The following PKHD1 variants were observed in gnomAD, a reference collection of about 807,000 sequenced individuals.
PKHD1 encodes fibrocystin.
A neutral mutation model predicts 412.0 loss-of-function variants in PKHD1; 291 were observed. That is an observed-to-expected ratio of 0.71 (90% CI 0.64 to 0.78). The LOEUF (loss-of-function observed/expected upper bound fraction) is 0.78. Among genes scored for constraint, PKHD1 ranks in the 30% least tolerant of loss-of-function variants. The pLI is 0.00. For missense variants in PKHD1, 4,825 were observed against 4,950.7 expected, an observed-to-expected ratio of 0.97 and a Z score of 0.76; for synonymous variants, 1,777 against 1,821.5, an observed-to-expected ratio of 0.98 and a Z score of 0.62.
At chr6:51,874,765 A>G (rs1776577576) in intron 46 of PKHD1, among the ~76,000 whole-genome samples, 1 of 131,858 alleles carries the variant, frequency 7.6e-6, no homozygotes, top group East Asian at 3.9e-4. Context: ...CGTCTGTACT[A>G]AAAACACAAA....
At chr6:51,982,552 G>A (rs1795579628) in intron 35 of PKHD1, among the ~76,000 whole-genome samples, 1 of 140,980 alleles carries the variant, frequency 7.1e-6, no homozygotes, top group Admixed American at 7.3e-5. Context: ...TGTCCACTCA[G>A]GGTTAAATGG....
chr6:51,632,029 C>T (rs764613288), intron 65 of PKHD1, among the ~76,000 whole-genome samples: 7 of 151,444 alleles, frequency 4.6e-5, no homozygotes, highest in African/African-American at 1.5e-4. Context: ...CAACCTCCAC[C>T]ACCATCTAGG....
chr6:52,059,266 T>TC (rs1808310113), intron 15 of PKHD1, among the ~76,000 whole-genome samples: 1 of 135,226 alleles, frequency 7.4e-6, no homozygotes, highest in Non-Finnish European at 1.6e-5. Context: ...TTTCTTTTTT[T>TC]TTTTTTTTTT....
In PKHD1 at chr6:51,867,977, A is replaced by G. The variant is rs761681284; in HGVS notation, c.7619T>C (p.Leu2540Pro). ...SLSGKNRSHI[L>P]ASMETLSASC... ...AGCTGAAAGGGTTTCCATAGAAGCA[A>G]GAATGTGACTTCTGTTTTTCCCAGA... Residue 2540 changes from leucine to proline, a missense_variant, in exon 48 of 67, where the codon CTT (leucine) becomes CCT (proline). By Grantham distance (98) the Leu-to-Pro change is moderately conservative. Coordinates refer to ENST00000371117, the MANE Select transcript of PKHD1 (RefSeq NM_138694.4). 2.7e-5 allele frequency: 44 copies of G among 1,613,522 alleles called. No individual in the cohort carries two copies. The highest frequency in any genetic ancestry group is 3.6e-5 in the Non-Finnish European group (43 of 1,179,610).
At chr6:51,847,260 ATTTTTT>A (rs981973021) in intron 50 of PKHD1, among the ~76,000 whole-genome samples, 1 of 100,010 alleles carries the variant, frequency 1.0e-5, no homozygotes, top group Non-Finnish European at 2.0e-5. Context: ...CATGCCCAGC[ATTTTTT>A]TTTTTTTTTT....
intron 35 of PKHD1, among the ~76,000 whole-genome samples, chr6:51,970,507 G>A (rs150274883): frequency 6.6e-6 from 1 of 152,032 alleles, no homozygotes; most frequent in Non-Finnish European, 1.5e-5. Flanking sequence ...TTGAGGTCTT[G>A]GTCATAAATA....
chr6:51,944,880 C>T (rs905278141), intron 36 of PKHD1, among the ~76,000 whole-genome samples: 13 of 152,244 alleles, frequency 8.5e-5, no homozygotes, highest in East Asian at 1.9e-4. Context: ...AGACCATCTG[C>T]ATCCAACATC....
At chr6:51,901,672 A>G (rs2127614169) in intron 43 of PKHD1, among the ~76,000 whole-genome samples, 1 of 138,016 alleles carries the variant, frequency 7.2e-6, no homozygotes, top group East Asian at 2.4e-4. Context: ...AAGTATAATA[A>G]TAAAAGAAAA....
At chr6:51,995,416 G>C (rs1797607526) in intron 35 of PKHD1, among the ~76,000 whole-genome samples, 1 of 152,198 alleles carries the variant, frequency 6.6e-6, no homozygotes, top group East Asian at 1.9e-4. Context: ...TTTGTTTCTA[G>C]TAACTGCCTT....
At chr6:51,891,748 CAT>C (rs1779159306) in intron 43 of PKHD1, among the ~76,000 whole-genome samples, 1 of 150,960 alleles carries the variant, frequency 6.6e-6, no homozygotes. Flanking sequence ...CACACACACA[CAT>C]TCAGCCAAGC....
intron 34 of PKHD1, among the ~76,000 whole-genome samples, chr6:52,014,023 G>A (rs982112593): frequency 1.3e-5 from 2 of 152,158 alleles, no homozygotes; most frequent in African/African-American, 4.8e-5. Context: ...ACACTGCCAT[G>A]GCTTGACTGT....
In PKHD1 at chr6:52,058,408, G is replaced by A; in HGVS notation, c.1427C>T (p.Thr476Ile). The A allele has an allele frequency of 6.2e-7, 1 of 1,614,076 alleles. No homozygotes were observed. The highest frequency in any genetic ancestry group is 2.2e-5 in the East Asian group (1 of 44,878). Reference sequence around the variant, plus strand: ...GGTGACCACATCAGGATTCAGCCAGGTGTTGTGAATCTGGACACCAATCCT... The same window carrying A: ...GGTGACCACATCAGGATTCAGCCAGATGTTGTGAATCTGGACACCAATCCT... ...GMRIGVQIHN[T>I]WLNPDVVTTY... Residue 476 changes from threonine to isoleucine, a missense_variant, in exon 16 of 67, where the codon ACC (threonine) becomes ATC (isoleucine). Physicochemically the swap from Thr to Ile is moderately conservative, Grantham distance 89 (BLOSUM62 -1). Coordinates refer to ENST00000371117, the MANE Select transcript of PKHD1 (RefSeq NM_138694.4).
intron 53 of PKHD1, among the ~76,000 whole-genome samples, chr6:51,776,163 C>T (rs1790993091): frequency 6.6e-6 from 1 of 151,964 alleles, no homozygotes; most frequent in Admixed American, 6.6e-5. Flanking sequence ...GCAGTGTAAA[C>T]TTTCCTGACC....
chr6:51,626,396 T>C (rs538430903), intron 66 of PKHD1, among the ~76,000 whole-genome samples: 1 of 152,316 alleles, frequency 6.6e-6, no homozygotes, highest in Admixed American at 6.5e-5. Flanking sequence ...GCATTCTTAG[T>C]AGGACAAGGG....
At chr6:51,739,829 ACTGAAG>A (rs1163613311) in intron 60 of PKHD1, among the ~76,000 whole-genome samples, 4 of 152,076 alleles carry the variant, frequency 2.6e-5, no homozygotes, top group Non-Finnish European at 5.9e-5. Flanking sequence ...TTCTGTTGAA[ACTGAAG>A]CTCTGATTTC....
chr6:51,699,179 A>G (rs1779131970), intron 60 of PKHD1, among the ~76,000 whole-genome samples: 1 of 152,216 alleles, frequency 6.6e-6, no homozygotes, highest in African/African-American at 2.4e-5. Context: ...TACTACCATA[A>G]TCAGGACAAA....
At chr6:51,953,067 A>G (rs981228737) in intron 36 of PKHD1, among the ~76,000 whole-genome samples, 2 of 152,150 alleles carry the variant, frequency 1.3e-5, no homozygotes, top group African/African-American at 4.8e-5. Flanking sequence ...GTCAGGCTCC[A>G]GTTTGCTGAC....
Position 51,970,768 on chromosome 6 carries a change from G to A in PKHD1, c.5752-10742C>T, listed in dbSNP as rs1793558315. On this transcript the variant is annotated intron_variant, in intron 35 of 66. Transcript: ENST00000371117. Reference sequence around the variant, plus strand: ...AAAGATTAGTTGGTTGTAGACATGTGACTTTATTTCTGGGTTGTCCATTAT... The same window carrying A: ...AAAGATTAGTTGGTTGTAGACATGTAACTTTATTTCTGGGTTGTCCATTAT... Among the ~76,000 whole-genome samples the A allele has an allele frequency of 2.0e-5, 3 of 152,292 alleles. No individual in the cohort carries two copies. In the South Asian group the frequency reaches 6.2e-4, roughly 32 times the overall value.
intron 50 of PKHD1, 134 bp from the exon 51 acceptor site, chr6:51,836,603 TGTTA>T (rs1420315072): frequency 7.8e-5 from 54 of 692,044 alleles, no homozygotes; most frequent in Admixed American, 1.1e-4. Flanking sequence ...ATGAAATCCT[TGTTA>T]GTTAATCTAA....
Sources: gnomAD v4.1 joint callset for allele counts (sites outside exome capture counted in the v4.1 genomes callset) on GRCh38, gnomAD v4.1.1 for gene constraint, MANE v1.5 for transcripts, NCBI Gene and HGNC (gene_info 2026-07-23, HGNC 2026-07-21) for gene names.